The following SLC24A3 variants were observed in gnomAD, a reference collection of about 807,000 sequenced individuals.
SLC24A3 encodes sodium/potassium/calcium exchanger 3.
Under a neutral mutation model 75.8 loss-of-function variants are expected in SLC24A3, and 28 were observed. The ratio of observed to expected loss-of-function variants is 0.37; its 90% CI spans 0.27 to 0.51. SLC24A3 has a LOEUF of 0.51. SLC24A3 is among the 20% of genes least tolerant of loss of function. The pLI is 0.94. For synonymous variants in SLC24A3, 372 were observed against 334.1 expected (o/e 1.11, Z -1.24); for missense variants, 663 against 847.8 (o/e 0.78, Z 2.71).
chr20:19,547,499 G>A (rs938852396), intron 3 of SLC24A3, among the ~76,000 whole-genome samples: 2 of 152,198 alleles, frequency 1.3e-5, no homozygotes, highest in Non-Finnish European at 2.9e-5. Context: ...AATGACAAGT[G>A]TACACCTACA....
intron 15 of SLC24A3, among the ~76,000 whole-genome samples, chr20:19,714,044 G>A (rs902780806): frequency 1.3e-4 from 20 of 152,298 alleles, no homozygotes; most frequent in East Asian, 7.7e-4. Flanking sequence ...AGCTGCTGTC[G>A]TGTGAAAATA....
chr20:19,712,960 G>T (rs1191438101), intron 15 of SLC24A3, among the ~76,000 whole-genome samples: 1 of 152,244 alleles, frequency 6.6e-6, no homozygotes, highest in Non-Finnish European at 1.5e-5. Flanking sequence ...CCTGCCTCAG[G>T]CAAGGCTTAC....
intron 2 of SLC24A3, among the ~76,000 whole-genome samples, chr20:19,400,524 C>A (rs1986533399): frequency 6.6e-6 from 1 of 152,172 alleles, no homozygotes; most frequent in African/African-American, 2.4e-5. Context: ...TCGAGTGGTT[C>A]TTTCCCAGGT....
chr20:19,597,128 G>T (rs772946413), intron 6 of SLC24A3, among the ~76,000 whole-genome samples: 1 of 152,128 alleles, frequency 6.6e-6, no homozygotes, highest in African/African-American at 2.4e-5. Flanking sequence ...CACACCTGTG[G>T]CCCCAGCACT....
At chr20:19,404,541 C>G (rs745757279) in intron 2 of SLC24A3, among the ~76,000 whole-genome samples, 3 of 152,224 alleles carry the variant, frequency 2.0e-5, no homozygotes, top group Non-Finnish European at 4.4e-5. Flanking sequence ...AGTTTTTTGC[C>G]TGGCCTTCCA....
At chr20:19,234,216 C>T (rs934394105) in intron 1 of SLC24A3, among the ~76,000 whole-genome samples, 6 of 152,216 alleles carry the variant, frequency 3.9e-5, no homozygotes, top group Non-Finnish European at 8.8e-5. Context: ...CAGCATCGCC[C>T]AGGTCCCCTG....
intron 2 of SLC24A3, among the ~76,000 whole-genome samples, chr20:19,323,701 T>A (rs912776989): frequency 6.6e-6 from 1 of 152,090 alleles, no homozygotes; most frequent in Non-Finnish European, 1.5e-5. Context: ...TTAGCTACTA[T>A]TTATACATTT....
chr20:19,400,687 C>G (rs551245677), intron 2 of SLC24A3, among the ~76,000 whole-genome samples: 6 of 152,268 alleles, frequency 3.9e-5, no homozygotes, highest in Admixed American at 1.3e-4. Flanking sequence ...AGACTCTCAA[C>G]TGCATCTCCC....
intron 3 of SLC24A3, among the ~76,000 whole-genome samples, chr20:19,517,133 T>G (rs2122560001): frequency 6.6e-6 from 1 of 152,198 alleles, no homozygotes; most frequent in East Asian, 1.9e-4. Context: ...TCAGGGAAGT[T>G]GTGTGCACTG....
intron 1 of SLC24A3, among the ~76,000 whole-genome samples, chr20:19,237,987 A>C (rs1295250849): frequency 6.6e-6 from 1 of 152,230 alleles, no homozygotes; most frequent in Non-Finnish European, 1.5e-5. Context: ...GTTTTGGTGC[A>C]GAGAGAATGT....
chr20:19,410,937 G>GTT (rs544231324), intron 2 of SLC24A3, among the ~76,000 whole-genome samples: 155 of 152,356 alleles, frequency 1.0e-3, no homozygotes, highest in Non-Finnish European at 1.8e-3. Context: ...TGTGGTGGGA[G>GTT]TTGTTTCTGG....
chr20:19,508,649 G>GGTT (rs1988494296), intron 2 of SLC24A3, among the ~76,000 whole-genome samples: 3 of 152,210 alleles, frequency 2.0e-5, no homozygotes, highest in African/African-American at 7.2e-5. Context: ...CTCCACTCAG[G>GGTT]TCCCTGTGGT....
chr20:19,220,594 T>A (rs1714524314), intron 1 of SLC24A3, among the ~76,000 whole-genome samples: 1 of 152,144 alleles, frequency 6.6e-6, no homozygotes, highest in Admixed American at 6.5e-5. Context: ...AGCATCTAGG[T>A]GGAATATAGA....
intron 2 of SLC24A3, among the ~76,000 whole-genome samples, chr20:19,446,260 G>A (rs1010237240): frequency 8.5e-5 from 13 of 152,198 alleles, no homozygotes; most frequent in African/African-American, 2.9e-4. Flanking sequence ...GGAAAAGCAC[G>A]AGAGGTTGAA....
Position 19,689,391 on chromosome 20 carries a change from G to A in SLC24A3, c.1325-3868G>A, listed in dbSNP as rs1001255637. On this transcript the variant is annotated intron_variant, in intron 12 of 16. Coordinates refer to ENST00000328041, the MANE Select transcript of SLC24A3 (RefSeq NM_020689.4). ...TTGTTAAAGCCAAGTCCAACTCAAA[G>A]GGATACTATCATGCTTACGGGCCAG... Among the ~76,000 whole-genome samples, 12 of 152,300 alleles carry A rather than the reference G, an allele frequency of 7.9e-5. 1 individual carries two copies. The highest frequency in any genetic ancestry group is 2.1e-4 in the South Asian group (1 of 4,830).
intron 2 of SLC24A3, among the ~76,000 whole-genome samples, chr20:19,326,577 CTTT>C (rs57226310): frequency 2.9e-5 from 4 of 138,962 alleles, no homozygotes; most frequent in Non-Finnish European, 4.7e-5. Context: ...CTTTTCTTTT[CTTT>C]TTTTTTTTTT....
chr20:19,501,289 G>A (rs1288461132), intron 2 of SLC24A3, among the ~76,000 whole-genome samples: 1 of 152,020 alleles, frequency 6.6e-6, no homozygotes, highest in Non-Finnish European at 1.5e-5. Flanking sequence ...CAACAACTAA[G>A]CCAAATTTTC....
intron 15 of SLC24A3, among the ~76,000 whole-genome samples, chr20:19,714,756 A>G (rs574185611): frequency 3.3e-5 from 5 of 152,342 alleles, no homozygotes; most frequent in South Asian, 4.1e-4. Context: ...CAGATTTAGA[A>G]TTTCAGCCAC....
chr20:19,353,487 G>A (rs948268688), intron 2 of SLC24A3, among the ~76,000 whole-genome samples: 1 of 152,138 alleles, frequency 6.6e-6, no homozygotes, highest in Non-Finnish European at 1.5e-5. Flanking sequence ...AGAATTAACT[G>A]GAATCTGTTT....
Sources: allele counts gnomAD v4.1 joint callset (sites outside exome capture counted in the v4.1 genomes callset), GRCh38; gene constraint gnomAD v4.1.1; transcripts MANE v1.5; gene names NCBI Gene and HGNC (gene_info 2026-07-23, HGNC 2026-07-21).